The following NWD2 variants were observed in gnomAD, a reference collection of about 807,000 sequenced individuals.
NWD2 encodes the protein NACHT and WD repeat domain containing 2, also known as NACHT and WD repeat domain-containing protein 2.
Under a neutral mutation model 132.7 loss-of-function variants are expected in NWD2, and 37 were observed. The ratio of observed to expected loss-of-function variants is 0.28; its 90% CI spans 0.21 to 0.37. NWD2 has a LOEUF of 0.37. Among genes scored for constraint, NWD2 ranks in the 10% least tolerant of loss-of-function variants. The pLI, the probability that NWD2 is intolerant of heterozygous loss-of-function variation, is 1.00. For missense variants in NWD2, 1,592 were observed against 2,122.4 expected (o/e 0.75, Z 4.91); for synonymous variants, 705 against 803.0 (o/e 0.88, Z 2.06).
chr4:37,268,614 A>T (rs1717806849), intron 1 of NWD2, among the ~76,000 whole-genome samples: 1 of 151,940 alleles, frequency 6.6e-6, no homozygotes. Context: ...ACTGAAATAT[A>T]GTACTTTTAT....
chr4:37,340,297 T>C (rs1024995080), intron 2 of NWD2, among the ~76,000 whole-genome samples: 2 of 152,160 alleles, frequency 1.3e-5, no homozygotes, highest in Non-Finnish European at 2.9e-5. Flanking sequence ...AAGGACAGTG[T>C]CCCGTGTACC....
chr4:37,409,270 T>C (rs921072078), intron 3 of NWD2, among the ~76,000 whole-genome samples: 4 of 151,786 alleles, frequency 2.6e-5, no homozygotes, highest in Admixed American at 2.6e-4. Flanking sequence ...GAAAAAAGGT[T>C]AGAGGAATGG....
intron 3 of NWD2, among the ~76,000 whole-genome samples, chr4:37,394,799 G>GTTTTTTTTTTTTTTGTT (rs1720747473): frequency 1.9e-5 from 1 of 52,596 alleles, no homozygotes; most frequent in Non-Finnish European, 3.2e-5. Flanking sequence ...AACCTTTATG[G>GTTTTTTTTTTTTTTGTT]TTTTTTTTTT....
chr4:37,402,161 A>T (rs538272438), intron 3 of NWD2, among the ~76,000 whole-genome samples: 1 of 152,336 alleles, frequency 6.6e-6, no homozygotes, highest in South Asian at 2.1e-4. Flanking sequence ...ACACAGCAAG[A>T]AGGGCCACAC....
chr4:37,407,530 A>G (rs929973883), intron 3 of NWD2, among the ~76,000 whole-genome samples: 1 of 152,208 alleles, frequency 6.6e-6, no homozygotes, highest in Admixed American at 6.5e-5. Flanking sequence ...TCGATAGGAT[A>G]AACAACCTGC....
intron 3 of NWD2, 105 bp downstream of exon 3, chr4:37,356,587 C>G (rs920771986): frequency 2.9e-6 from 2 of 697,106 alleles, no homozygotes; most frequent in Non-Finnish European, 4.9e-6. Flanking sequence ...GGGAAAAAGA[C>G]TTTTTTATGT....
rs1442852947 is a variant in NWD2 at position 37,446,878 on chromosome 4, C to T, written c.4890C>T (p.Asn1630=). The change falls in exon 7 of 7, where the codon AAC becomes AAT. Residue 1630 remains asparagine, a synonymous_variant. Transcript: ENST00000309447. This position sits in a 1 kb window ranked among gnomAD's most constrained non-coding sequence, Gnocchi z 6.7. ...TFLALSQRHL[N]IIVGFDDGSI... ...TTGCACTCTCCCAGAGGCACCTGAA[C>T]ATCATTGTGGGCTTTGATGATGGGA... 1 of 1,551,596 alleles carries T rather than the reference C, an allele frequency of 6.4e-7. No homozygotes were observed. Among genetic ancestry groups the T allele is most frequent in the African/African-American group, 1.4e-5 (1 of 72,996 alleles).
chr4:37,270,278 T>C (rs1717841492), intron 1 of NWD2, among the ~76,000 whole-genome samples: 1 of 151,924 alleles, frequency 6.6e-6, no homozygotes, highest in Admixed American at 6.6e-5. Context: ...AAATAGTATA[T>C]CCAGGCACAG....
intron 3 of NWD2, among the ~76,000 whole-genome samples, chr4:37,405,594 C>A (rs905402702): frequency 2.0e-5 from 3 of 152,166 alleles, no homozygotes; most frequent in African/African-American, 7.2e-5. Context: ...TCTGGGGTGA[C>A]AACTGCGACT....
intron 3 of NWD2, among the ~76,000 whole-genome samples, chr4:37,383,388 G>A (rs17493545): frequency 0.14 from 21,043 of 152,136 alleles, 1,783 homozygotes; most frequent in South Asian, 0.21. Context: ...TGCCAGAGAC[G>A]CCTACTTTTC....
chr4:37,317,413 C>A (rs1051769906), intron 1 of NWD2, among the ~76,000 whole-genome samples: 2 of 152,160 alleles, frequency 1.3e-5, no homozygotes, highest in African/African-American at 4.8e-5. Context: ...ACTGAACTTA[C>A]CCTTTTGTCT....
At chr4:37,320,018 A>G (rs770044093) in intron 1 of NWD2, among the ~76,000 whole-genome samples, 2 of 152,158 alleles carry the variant, frequency 1.3e-5, no homozygotes, top group Non-Finnish European at 2.9e-5. Flanking sequence ...GACAAATGAC[A>G]TTGGTAGTTT....
chr4:37,306,097 C>T (rs1023719447), intron 1 of NWD2, among the ~76,000 whole-genome samples: 1 of 151,992 alleles, frequency 6.6e-6, no homozygotes, highest in Non-Finnish European at 1.5e-5. Context: ...GAAATTTATT[C>T]ATTTTTTGTA....
intron 3 of NWD2, among the ~76,000 whole-genome samples, chr4:37,361,990 G>A (rs7681467): frequency 0.37 from 56,714 of 151,956 alleles, 11,244 homozygotes; most frequent in Admixed American, 0.52. Flanking sequence ...CAAAATCTAT[G>A]TACAAAAATA....
chr4:37,311,095 C>T lies in NWD2; in HGVS notation c.152-14841C>T, dbSNP rs923353741. Among the ~76,000 whole-genome samples, 5 of 152,056 alleles carry T rather than the reference C, an allele frequency of 3.3e-5. No homozygotes were observed. The South Asian group carries it at 6.2e-4, about 19-fold the overall frequency. ...TGTGAATAGTGCCACAATAAACATA[C>T]GTGTGCATGTGTCTTTATAGCAGCG... On this transcript the variant is annotated intron_variant, in intron 1 of 6. Coordinates refer to ENST00000309447, the MANE Select transcript of NWD2 (RefSeq NM_001144990.2).
At chr4:37,354,181 A>G (rs1440475888) in intron 2 of NWD2, among the ~76,000 whole-genome samples, 1 of 152,138 alleles carries the variant, frequency 6.6e-6, no homozygotes, top group East Asian at 1.9e-4. Flanking sequence ...AGGCTGCAGA[A>G]CAGCAAAGAT....
chr4:37,253,972 T>C (rs528619393), intron 1 of NWD2, among the ~76,000 whole-genome samples: 22 of 152,300 alleles, frequency 1.4e-4, no homozygotes, highest in Non-Finnish European at 2.5e-4. Flanking sequence ...TACCGCATGT[T>C]CTAACTTATA....
At chr4:37,267,720 C>T (rs1717785568) in intron 1 of NWD2, among the ~76,000 whole-genome samples, 1 of 151,796 alleles carries the variant, frequency 6.6e-6, no homozygotes, top group South Asian at 2.1e-4. Flanking sequence ...AATGTGAGTA[C>T]TTACTATATG....
chr4:37,446,616 G>A lies in NWD2; in HGVS notation c.4628G>A (p.Arg1543Lys). Reference protein sequence around the residue: ...SPNGKLGIIARGDENINVLDL... With the variant: ...SPNGKLGIIAKGDENINVLDL... ...AATGGAAAGCTAGGCATTATAGCCA[G>A]GGGAGATGAAAACATCAATGTGCTA... The change falls in exon 7 of 7, where the codon AGG becomes AAG. Residue 1543 changes from arginine to lysine, a missense_variant. Arg to Lys is a conservative substitution (Grantham distance 26). Coordinates refer to ENST00000309447, the MANE Select transcript of NWD2 (RefSeq NM_001144990.2). The surrounding 1 kb of genome is among the most constrained non-coding windows in gnomAD (Gnocchi z 6.7). 1.9e-6 allele frequency: 3 copies of A among 1,551,614 alleles called. No homozygotes were observed. Among genetic ancestry groups the A allele is most frequent in the Non-Finnish European group, 2.6e-6 (3 of 1,146,994 alleles).
Sources: gnomAD v4.1 joint callset for allele counts (sites outside exome capture counted in the v4.1 genomes callset) on GRCh38, gnomAD v4.1.1 for gene constraint, Gnocchi (gnomAD v3.1) non-coding constraint, MANE v1.5 for transcripts, NCBI Gene and HGNC (gene_info 2026-07-23, HGNC 2026-07-21) for gene names.